CACUL1: variants seen among roughly 807,000 people sequenced by gnomAD.
CACUL1 encodes CDK2 associated cullin domain 1, also known as CDK2-associated and cullin domain-containing protein 1.
CACUL1 carries 13 observed loss-of-function variants against 45.2 expected under a neutral mutation model. The ratio of observed to expected loss-of-function variants is 0.29; its 90% CI spans 0.19 to 0.46. CACUL1 has a LOEUF of 0.46. Among genes scored for constraint, CACUL1 ranks in the 20% least tolerant of loss-of-function variants. The pLI, the probability that CACUL1 is intolerant of heterozygous loss-of-function variation, is 1.00. For synonymous variants in CACUL1, 197 were observed against 174.2 expected (o/e 1.13, Z -1.03); for missense variants, 421 against 471.4 (o/e 0.89, Z 0.99).
intron 7 of CACUL1, among the ~76,000 whole-genome samples, chr10:118,687,406 A>G (rs1172650758): frequency 6.6e-6 from 1 of 152,134 alleles, no homozygotes; most frequent in Non-Finnish European, 1.5e-5. Flanking sequence ...TCCTTCTTCA[A>G]TCTTCCAGCT....
Position 118,680,404 on chromosome 10 carries a change from T to C in CACUL1, c.*5724A>G, listed in dbSNP as rs1407343395. 1 of 152,016 alleles carries C rather than the reference T, an allele frequency of 6.6e-6. No individual in the cohort carries two copies. The highest frequency in any genetic ancestry group is 2.4e-5 in the African/African-American group (1 of 41,354). The allele number at this position is 152,016 out of a possible 1,614,324, so 9.4% of individuals were successfully genotyped here. Reference sequence around the variant, plus strand: ...TCTGCCACATGTGATAACCAAAAAGTAGATAACATCACAACAGAGCTGAGG... The same window carrying C: ...TCTGCCACATGTGATAACCAAAAAGCAGATAACATCACAACAGAGCTGAGG... On this transcript the variant is annotated 3_prime_UTR_variant, in exon 9 of 9. Transcript: ENST00000369151.
intron 5 of CACUL1, 68 bp downstream of exon 5, chr10:118,701,238 C>T (rs1167610574): frequency 1.1e-6 from 1 of 916,928 alleles, no homozygotes; most frequent in South Asian, 2.1e-5. Flanking sequence ...TGCTCTCAGA[C>T]CAAAAAAAAA....
In CACUL1 at chr10:118,691,283, A is replaced by G. The variant is rs758199214; in HGVS notation, c.1007T>C (p.Ile336Thr). ...AQDQKFQREL[I>T]QNGFTRGDQS... Reference sequence around the variant, plus strand: ...AACTTGCCTTGTAAAACCATTCTGTATAAGTTCTCTTTGAAATTTCTGATC... The same window carrying G: ...AACTTGCCTTGTAAAACCATTCTGTGTAAGTTCTCTTTGAAATTTCTGATC... Residue 336 changes from isoleucine to threonine, a missense_variant, in exon 7 of 9, where the codon ATA becomes ACA. Ile to Thr is a moderately conservative substitution (Grantham distance 89). Around this residue, in one of 2 missense-constraint regions of CACUL1, gnomAD observed 208 missense variants for 298.4 expected, o/e 0.70. Transcript: ENST00000369151. 52 of 1,613,450 alleles carry G rather than the reference A, an allele frequency of 3.2e-5. No individual in the cohort carries two copies. The highest frequency in any genetic ancestry group is 5.3e-5 in the African/African-American group (4 of 74,884).
In CACUL1 at chr10:118,707,550, A is replaced by G. The variant is rs780088763; in HGVS notation, c.635T>C (p.Ile212Thr). The part of the protein sequence containing the change: ...PPDLYIERFN[I>T]ALGQYMGALQ... ...TGCTCCCATATATTGTCCAAGAGCT[A>G]TATTAAATCTTTCAATATAGAGATC... Residue 212 changes from isoleucine to threonine, a missense_variant, in exon 4 of 9, where the codon ATA becomes ACA. Ile to Thr is a moderately conservative substitution (Grantham distance 89, BLOSUM62 -1). Coordinates refer to ENST00000369151, the MANE Select transcript of CACUL1 (RefSeq NM_153810.5). The G allele has an allele frequency of 5.7e-6, 9 of 1,585,686 alleles. No individual in the cohort carries two copies. The East Asian group carries it at 2.0e-4, about 35-fold the overall frequency.
chr10:118,711,292 C>G (rs1208129898), intron 3 of CACUL1, among the ~76,000 whole-genome samples: 1 of 152,220 alleles, frequency 6.6e-6, no homozygotes, highest in Non-Finnish European at 1.5e-5. Flanking sequence ...GTTGGCCAGG[C>G]TGGTCTTGAA....
At chr10:118,735,812 T>C (rs1363864285) in intron 1 of CACUL1, among the ~76,000 whole-genome samples, 4 of 152,142 alleles carry the variant, frequency 2.6e-5, no homozygotes, top group South Asian at 2.1e-4. Context: ...TTTAAGAATG[T>C]AGTAATGGCA....
rs751138475 is a variant in CACUL1 at position 118,707,517 on chromosome 10, C to T, written c.668G>A (p.Ser223Asn). The T allele has an allele frequency of 1.9e-6, 3 of 1,558,160 alleles. No homozygotes were observed. Among genetic ancestry groups the T allele is most frequent in the Non-Finnish European group, 8.9e-7 (1 of 1,129,828 alleles). Reference protein sequence around the residue: ...ALGQYMGALQSIVPLFIYMNK... With the variant: ...ALGQYMGALQNIVPLFIYMNK... ...CATATATATGAAAAGAGGCACAATG[C>T]TCTGCAATGCTCCCATATATTGTCC... The change falls in exon 4 of 9, where the codon AGC becomes AAC. Residue 223 changes from serine to asparagine, a missense_variant. Coordinates refer to ENST00000369151, the MANE Select transcript of CACUL1 (RefSeq NM_153810.5).
intron 3 of CACUL1, chr10:118,729,060 G>C (rs1845676109): frequency 2.5e-6 from 1 of 398,188 alleles, no homozygotes; most frequent in Non-Finnish European, 4.5e-6. Flanking sequence ...ATAATCAATA[G>C]AATCAGTTAA....
intron 1 of CACUL1, among the ~76,000 whole-genome samples, chr10:118,732,637 C>A (rs745645820): frequency 1.6e-4 from 25 of 152,136 alleles, no homozygotes; most frequent in Non-Finnish European, 3.1e-4. Flanking sequence ...GACTCTAAGG[C>A]CCCTGTGCTA....
At chr10:118,697,433 A>G (rs1256227677) in intron 5 of CACUL1, among the ~76,000 whole-genome samples, 1 of 152,240 alleles carries the variant, frequency 6.6e-6, no homozygotes, top group African/African-American at 2.4e-5. Context: ...GATATCAATA[A>G]GCCGTATAGT....
intron 3 of CACUL1, among the ~76,000 whole-genome samples, chr10:118,715,738 GA>G (rs1317810453): frequency 6.6e-6 from 1 of 151,962 alleles, no homozygotes; most frequent in Non-Finnish European, 1.5e-5. Flanking sequence ...AATGAAACAT[GA>G]AAAAAATTAA....
intron 6 of CACUL1, among the ~76,000 whole-genome samples, chr10:118,691,883 A>G (rs1036963076): frequency 6.7e-6 from 1 of 148,374 alleles, no homozygotes; most frequent in Admixed American, 6.8e-5. Flanking sequence ...AAAAAAAAAA[A>G]AAAAAAAGAA....
At chr10:118,688,970 C>G (rs1009973683) in intron 7 of CACUL1, among the ~76,000 whole-genome samples, 1 of 152,164 alleles carries the variant, frequency 6.6e-6, no homozygotes, top group African/African-American at 2.4e-5. Flanking sequence ...GTTGCCTACT[C>G]AGGATCACTA....
At chr10:118,728,889 T>C (rs1589614839) in intron 3 of CACUL1, among the ~76,000 whole-genome samples, 1 of 152,182 alleles carries the variant, frequency 6.6e-6, no homozygotes, top group African/African-American at 2.4e-5. Flanking sequence ...GTTGTTTATA[T>C]TGAAAGGTAT....
intron 6 of CACUL1, among the ~76,000 whole-genome samples, chr10:118,691,866 C>CAAAAAAAAAAAAAAAAAAAA: frequency 1.0e-5 from 1 of 95,460 alleles, no homozygotes; most frequent in Non-Finnish European, 1.9e-5. Flanking sequence ...GACTCCGTCT[C>CAAAAAAAAAAAAAAAAAAAA]AAAAAAAAAA....
At chr10:118,718,718 C>T (rs984292930) in intron 3 of CACUL1, among the ~76,000 whole-genome samples, 2 of 152,148 alleles carry the variant, frequency 1.3e-5, no homozygotes. Context: ...GGCCTATAGG[C>T]GCCCGCCACC....
intron 1 of CACUL1, among the ~76,000 whole-genome samples, chr10:118,753,461 G>A (rs1284754944): frequency 6.6e-6 from 1 of 152,180 alleles, no homozygotes; most frequent in African/African-American, 2.4e-5. Flanking sequence ...GTTAATAATA[G>A]GAGAGAAAAA....
chr10:118,748,641 T>A (rs528602975), intron 1 of CACUL1, among the ~76,000 whole-genome samples: 68 of 152,314 alleles, frequency 4.5e-4, no homozygotes, highest in African/African-American at 1.6e-3. Context: ...CTGGAAAATT[T>A]TGGATTTTGA....
chr10:118,686,654 A>G lies in CACUL1; in HGVS notation c.1026-13T>C, dbSNP rs1845210241. ...GGACTGGTCACCCCTGGGGATAAGA[A>G]GAGGCAGTCAACAAAACTGACTTCA... is the stretch of plus-strand genomic sequence containing the variant. On this transcript the variant is annotated splice_polypyrimidine_tract_variant and intron_variant, in intron 7 of 8. Transcript: ENST00000369151. The G allele has an allele frequency of 6.2e-7, 1 of 1,609,304 alleles. No homozygotes were observed. The highest frequency in any genetic ancestry group is 8.5e-7 in the Non-Finnish European group (1 of 1,175,562).
Sources: gnomAD v4.1 joint callset for allele counts (sites outside exome capture counted in the v4.1 genomes callset) on GRCh38, gnomAD v4.1.1 for gene constraint, gnomAD v4.1.1 regional missense constraint, MANE v1.5 for transcripts, NCBI Gene and HGNC (gene_info 2026-07-23, HGNC 2026-07-21) for gene names.